SLC24A4: variants seen among roughly 807,000 people sequenced by gnomAD.
SLC24A4 encodes the protein sodium/potassium/calcium exchanger 4.
In SLC24A4, 53 loss-of-function variants were observed where a neutral mutation model predicts 79.0. The observed-to-expected ratio is 0.67, with a 90% confidence interval of 0.54 to 0.84. SLC24A4 has a LOEUF of 0.84. SLC24A4 is among the 40% of genes least tolerant of loss of function. The probability of loss-of-function intolerance (pLI) is 0.00; values close to 1 mark genes in which losing one functional copy is unlikely to be tolerated. For missense variants in SLC24A4, 731 were observed against 822.0 expected (o/e 0.89, Z 1.35); for synonymous variants, 323 against 323.8 (o/e 1.00, Z 0.03).
chr14:92,365,456 C>T (rs1887777254), intron 2 of SLC24A4, among the ~76,000 whole-genome samples: 1 of 152,216 alleles, frequency 6.6e-6, no homozygotes, highest in Non-Finnish European at 1.5e-5. Flanking sequence ...TAGGTGGACA[C>T]CCCAATCCCC....
intron 2 of SLC24A4, among the ~76,000 whole-genome samples, chr14:92,396,283 G>T (rs1043310282): frequency 6.6e-6 from 1 of 152,172 alleles, no homozygotes; most frequent in African/African-American, 2.4e-5. Flanking sequence ...CTAGAAAATA[G>T]ACTGAGGCTT....
At chr14:92,474,478 T>TTTG (rs201635435) in intron 12 of SLC24A4, among the ~76,000 whole-genome samples, 2 of 151,718 alleles carry the variant, frequency 1.3e-5, no homozygotes, top group African/African-American at 2.4e-5. Flanking sequence ...CCACATTTGT[T>TTTG]TTGTTGTTGT....
rs898354220 is a variant in SLC24A4 at position 92,434,086 on chromosome 14, T to G, written c.318+98T>G. ...TGGCGTGTCTGAGATCTTTTATTCT[T>G]GTAACAGCCCAGTGAGGAGAGCGGA... On this transcript the variant is annotated intron_variant, in intron 3 of 16. Transcript: ENST00000532405. The G allele has an allele frequency of 1.1e-5, 10 of 940,436 alleles. No homozygotes were observed. In the African/African-American group the frequency reaches 1.6e-4, roughly 15 times the overall value. 58.3% of individuals were successfully genotyped at this position (940,436 alleles called of 1,614,324 possible).
chr14:92,352,202 G>A (rs1886934867), intron 2 of SLC24A4, among the ~76,000 whole-genome samples: 3 of 152,166 alleles, frequency 2.0e-5, no homozygotes, highest in South Asian at 4.1e-4. Context: ...CCGTGAACAG[G>A]TGTGGGAGGC....
chr14:92,478,037 C>T (rs1217807179), intron 12 of SLC24A4, among the ~76,000 whole-genome samples: 16 of 152,026 alleles, frequency 1.1e-4, no homozygotes, highest in Admixed American at 1.3e-4. Flanking sequence ...GAACTCCCAA[C>T]CTCAGGTGAT....
At chr14:92,393,545 C>CTTTTTTT (rs5810597) in intron 2 of SLC24A4, among the ~76,000 whole-genome samples, 7 of 112,500 alleles carry the variant, frequency 6.2e-5, no homozygotes, top group African/African-American at 1.4e-4. Context: ...AAGACACACT[C>CTTTTTTT]TTTTTTTTTT....
At chr14:92,474,651 ATT>A (rs1286610534) in intron 12 of SLC24A4, among the ~76,000 whole-genome samples, 7 of 44,062 alleles carry the variant, frequency 1.6e-4, no homozygotes, top group Admixed American at 5.6e-4. Flanking sequence ...CGCCCAGCTA[ATT>A]TTTGTGTGTG....
intron 2 of SLC24A4, among the ~76,000 whole-genome samples, chr14:92,409,722 G>T (rs899496655): frequency 1.3e-5 from 2 of 151,928 alleles, no homozygotes; most frequent in Admixed American, 6.6e-5. Context: ...AAGAGATGAG[G>T]TCTCATATGC....
intron 2 of SLC24A4, among the ~76,000 whole-genome samples, chr14:92,406,626 G>T (rs1890396533): frequency 6.6e-6 from 1 of 152,158 alleles, no homozygotes; most frequent in Admixed American, 6.5e-5. Context: ...CAAGACTGGG[G>T]GATTACATCC....
intron 12 of SLC24A4, among the ~76,000 whole-genome samples, chr14:92,463,734 G>T (rs964860457): frequency 6.6e-6 from 1 of 152,086 alleles, no homozygotes; most frequent in Non-Finnish European, 1.5e-5. Flanking sequence ...CAAAATTGTG[G>T]AATCGTCATC....
intron 2 of SLC24A4, among the ~76,000 whole-genome samples, chr14:92,332,480 A>C (rs775941796): frequency 6.6e-6 from 1 of 152,162 alleles, no homozygotes; most frequent in Admixed American, 6.5e-5. Flanking sequence ...GCCCAGAGCA[A>C]CAGAGGGAGA....
At chr14:92,326,396 T>TCAGCATGACCGGGCAGCATGACCGGG (rs1885135955) in intron 2 of SLC24A4, among the ~76,000 whole-genome samples, 1 of 152,196 alleles carries the variant, frequency 6.6e-6, no homozygotes, top group Admixed American at 6.5e-5. Flanking sequence ...CACCAGGGTC[T>TCAGCATGACCGGGCAGCATGACCGGG]CAGCATGACC....
intron 12 of SLC24A4, among the ~76,000 whole-genome samples, chr14:92,474,878 A>G (rs1487206321): frequency 2.6e-5 from 1 of 38,272 alleles, no homozygotes; most frequent in Non-Finnish European, 5.7e-5. Context: ...TTTTTTTTTT[A>G]GTAGACACAG....
rs896130718 is a variant in SLC24A4, at chr14:92,441,418, G to T, written c.394-671G>T. Among the ~76,000 whole-genome samples, 6 of 152,204 alleles carry T rather than the reference G, an allele frequency of 3.9e-5. No individual in the cohort carries two copies. The highest frequency in any genetic ancestry group is 1.4e-4 in the African/African-American group (6 of 41,444). ...TCCTGTCCCGTGCCAGCTTAACCCT[G>T]GAACCAGTACCTCTGGGTCTTTGTG... On this transcript the variant is annotated intron_variant, in intron 4 of 16. Coordinates refer to ENST00000532405, the MANE Select transcript of SLC24A4 (RefSeq NM_153646.4). The surrounding 1 kb of genome is among the most constrained non-coding windows in gnomAD (Gnocchi z 4.6).
chr14:92,439,975 G>A (rs539034301), intron 4 of SLC24A4, among the ~76,000 whole-genome samples: 36 of 152,370 alleles, frequency 2.4e-4, no homozygotes, highest in African/African-American at 8.4e-4. Flanking sequence ...AGTCAAGGAA[G>A]GAAATTGACT....
chr14:92,414,809 C>T (rs183171082), intron 2 of SLC24A4, among the ~76,000 whole-genome samples: 36 of 152,302 alleles, frequency 2.4e-4, no homozygotes, highest in African/African-American at 4.8e-4. Context: ...TGTTTGGATG[C>T]CCATTCTCAC....
At chr14:92,324,047 C>G in intron 1 of SLC24A4, 87 bp downstream of exon 1, 1 of 1,510,974 alleles carries the variant, frequency 6.6e-7, no homozygotes, top group South Asian at 1.2e-5. Flanking sequence ...GTTTTCCCCT[C>G]CTTCCTCATC....
chr14:92,398,101 G>A lies in SLC24A4; in HGVS notation c.242-35811G>A, dbSNP rs1430020254. On this transcript the variant is annotated intron_variant, in intron 2 of 16. Coordinates refer to ENST00000532405, the MANE Select transcript of SLC24A4 (RefSeq NM_153646.4). The surrounding 1 kb of genome is among the most constrained non-coding windows in gnomAD (Gnocchi z 4.1). ...CATTGGGCAGTGAGGATCTGGGGCC[G>A]TGGCTGCCATCCCTTTAGGTCCACA... 3.3e-5 allele frequency among the ~76,000 whole-genome samples: 5 copies of A among 152,192 alleles called. No individual in the cohort carries two copies. Among genetic ancestry groups the A allele is most frequent in the Non-Finnish European group, 7.3e-5 (5 of 68,030 alleles).
intron 2 of SLC24A4, chr14:92,408,538 G>A: frequency 1.9e-6 from 1 of 518,872 alleles, no homozygotes; most frequent in Non-Finnish European, 2.5e-6. Context: ...ATTGGAGCCA[G>A]GTCTGTGTGG....
Sources: allele counts gnomAD v4.1 joint callset (sites outside exome capture counted in the v4.1 genomes callset), GRCh38; gene constraint gnomAD v4.1.1; non-coding constraint Gnocchi (gnomAD v3.1); transcripts MANE v1.5; gene names NCBI Gene and HGNC (gene_info 2026-07-23, HGNC 2026-07-21).